KIAA1328: variants seen among roughly 807,000 people sequenced by gnomAD.
KIAA1328 encodes KIAA1328, also known as protein hinderin.
A neutral mutation model predicts 68.1 loss-of-function variants in KIAA1328; 52 were observed. The ratio of observed to expected loss-of-function variants is 0.76; its 90% CI spans 0.61 to 0.96. The LOEUF (loss-of-function observed/expected upper bound fraction) is 0.96. Ranked by LOEUF, KIAA1328 falls within the 40% of genes least tolerant of loss-of-function variation. The pLI is 0.00. For missense variants in KIAA1328, 641 were observed against 677.6 expected (o/e 0.95, Z 0.60); for synonymous variants, 232 against 239.4 (o/e 0.97, Z 0.28).
chr18:36,856,259 G>T (rs1474098131), intron 4 of KIAA1328, among the ~76,000 whole-genome samples: 1 of 151,762 alleles, frequency 6.6e-6, no homozygotes, highest in Non-Finnish European at 1.5e-5. Flanking sequence ...ATTTCTTCAG[G>T]TATGCCTTTT....
intron 5 of KIAA1328, among the ~76,000 whole-genome samples, chr18:36,936,484 C>G (rs1443036970): frequency 6.6e-6 from 1 of 152,164 alleles, no homozygotes; most frequent in Non-Finnish European, 1.5e-5. Flanking sequence ...CATAGTATTC[C>G]ATCATGTATA....
chr18:36,911,049 C>T (rs1011403981), intron 5 of KIAA1328, among the ~76,000 whole-genome samples: 3 of 152,052 alleles, frequency 2.0e-5, no homozygotes, highest in Non-Finnish European at 4.4e-5. Flanking sequence ...TCCTGACTGA[C>T]GACCCACAGA....
At position 37,225,060 on chromosome 18, in the gene KIAA1328, G is replaced by A; in HGVS notation, c.*2833G>A. The A allele has an allele frequency of 1.0e-6, 1 of 985,426 alleles. No individual in the cohort carries two copies. Among genetic ancestry groups the A allele is most frequent in the Non-Finnish European group, 1.2e-6 (1 of 829,942 alleles). The allele number at this position is 985,426 out of a possible 1,614,324, so 61.0% of individuals were successfully genotyped here. A position where few individuals can be genotyped will look rare whatever the true frequency, so the allele number is the denominator to read the frequency against. On this transcript the variant is annotated 3_prime_UTR_variant, in exon 10 of 10. Transcript: ENST00000280020. ...GAGCACCCCAAATGTCATGGGGAGA[G>A]AGGGACTCTTTCTGCTCCCTCAGAG...
chr18:37,121,998 A>G (rs1432670883), intron 7 of KIAA1328, among the ~76,000 whole-genome samples: 2 of 152,138 alleles, frequency 1.3e-5, no homozygotes, highest in South Asian at 2.1e-4. Context: ...CAGACATAGT[A>G]TATAGTATTT....
chr18:36,948,495 C>T (rs1197829120), intron 5 of KIAA1328, among the ~76,000 whole-genome samples: 1 of 149,696 alleles, frequency 6.7e-6, no homozygotes, highest in Non-Finnish European at 1.5e-5. Context: ...CTCCTGACCT[C>T]GTGATCCTCC....
At chr18:36,887,973 T>C (rs2048556490) in intron 5 of KIAA1328, among the ~76,000 whole-genome samples, 1 of 152,172 alleles carries the variant, frequency 6.6e-6, no homozygotes, top group Non-Finnish European at 1.5e-5. Flanking sequence ...GAAAATTTTG[T>C]GGTTATCTGG....
intron 6 of KIAA1328, among the ~76,000 whole-genome samples, chr18:37,044,116 G>C (rs564320501): frequency 6.6e-6 from 1 of 152,218 alleles, no homozygotes; most frequent in African/African-American, 2.4e-5. Flanking sequence ...TTTCCTTAAA[G>C]CTCTGTTTAG....
intron 9 of KIAA1328, among the ~76,000 whole-genome samples, chr18:37,198,936 C>T (rs1568524678): frequency 6.6e-6 from 1 of 152,080 alleles, no homozygotes; most frequent in Non-Finnish European, 1.5e-5. Flanking sequence ...TATATTGGAC[C>T]TGATTTTGTT....
intron 9 of KIAA1328, among the ~76,000 whole-genome samples, chr18:37,210,041 T>C (rs1026119198): frequency 2.6e-5 from 4 of 152,052 alleles, no homozygotes; most frequent in Non-Finnish European, 5.9e-5. Context: ...TCAGGAGATG[T>C]CTACTGAAAT....
At chr18:37,107,017 G>A (rs1245324898) in intron 7 of KIAA1328, among the ~76,000 whole-genome samples, 1 of 152,124 alleles carries the variant, frequency 6.6e-6, no homozygotes, top group Non-Finnish European at 1.5e-5. Context: ...GCCGATGCGG[G>A]CAGATCACTT....
chr18:37,214,187 C>T (rs1424479296), intron 9 of KIAA1328, among the ~76,000 whole-genome samples: 3 of 152,160 alleles, frequency 2.0e-5, no homozygotes, highest in African/African-American at 4.8e-5. Context: ...GCTTTTGTTG[C>T]CATTGCTTTT....
At chr18:36,946,402 G>C (rs1296833225) in intron 5 of KIAA1328, 1 of 152,152 alleles carries the variant, frequency 6.6e-6, no homozygotes, top group African/African-American at 2.4e-5. Context: ...AGAGATGATT[G>C]ATACGCATAC....
chr18:37,193,936 T>C (rs1242619543), intron 9 of KIAA1328, among the ~76,000 whole-genome samples: 1 of 152,252 alleles, frequency 6.6e-6, no homozygotes, highest in Non-Finnish European at 1.5e-5. Flanking sequence ...GCTGTATAGA[T>C]GAATGCATGT....
intron 5 of KIAA1328, among the ~76,000 whole-genome samples, chr18:36,898,016 T>C (rs1598640654): frequency 6.6e-6 from 1 of 152,212 alleles, no homozygotes. Context: ...GAAACTGAAC[T>C]ATTTATCACA....
intron 6 of KIAA1328, among the ~76,000 whole-genome samples, chr18:37,046,879 C>G (rs2055492226): frequency 6.6e-6 from 1 of 152,102 alleles, no homozygotes; most frequent in South Asian, 2.1e-4. Flanking sequence ...ACAGGTAATC[C>G]CAGCACTTTG....
Position 37,083,473 on chromosome 18 carries a change from C to T in KIAA1328, c.1232+15928C>T, listed in dbSNP as rs528561099. ...TAACCAGAGAACATTTCTTAAAAGC[C>T]GAGAGAATAAGTGTCACATATTTGA... On this transcript the variant is annotated intron_variant, in intron 7 of 9. Coordinates refer to ENST00000280020, the MANE Select transcript of KIAA1328 (RefSeq NM_020776.3). Among the ~76,000 whole-genome samples, 66 of 152,190 alleles carry T rather than the reference C, an allele frequency of 4.3e-4. 1 individual carries two copies. The highest frequency in any genetic ancestry group is 1.6e-3 in the African/African-American group (66 of 41,530).
chr18:36,979,199 A>G (rs1053166769), intron 6 of KIAA1328, among the ~76,000 whole-genome samples: 1 of 93,166 alleles, frequency 1.1e-5, no homozygotes, highest in Non-Finnish European at 2.8e-5. Context: ...TAAAATGAAT[A>G]AAATAAAAAG....
intron 6 of KIAA1328, among the ~76,000 whole-genome samples, chr18:36,997,598 T>C (rs929618131): frequency 2.6e-5 from 4 of 152,266 alleles, no homozygotes; most frequent in African/African-American, 9.6e-5. Context: ...CCAGAGTGGC[T>C]ACAGCAAGGC....
intron 5 of KIAA1328, among the ~76,000 whole-genome samples, chr18:36,904,641 A>G (rs565763676): frequency 1.7e-4 from 26 of 152,210 alleles, no homozygotes; most frequent in African/African-American, 6.3e-4. Flanking sequence ...TTATAGCCAG[A>G]TCATACATGG....
Sources: gnomAD v4.1 joint callset for allele counts (sites outside exome capture counted in the v4.1 genomes callset) on GRCh38, gnomAD v4.1.1 for gene constraint, MANE v1.5 for transcripts, NCBI Gene and HGNC (gene_info 2026-07-23, HGNC 2026-07-21) for gene names.